Variants in RASL10A observed in about 807,000 individuals in gnomAD.
The protein encoded by RASL10A is RAS like family 10 member A.
In RASL10A, 13 loss-of-function variants were observed where a neutral mutation model predicts 17.3. The observed-to-expected ratio is 0.75, with a 90% CI of 0.49 to 1.20. RASL10A has a LOEUF of 1.20. Among genes scored for constraint, RASL10A ranks in the 50% most tolerant of loss-of-function variants. RASL10A has a pLI of 0.00. For missense variants in RASL10A, 307 were observed against 310.3 expected, an observed-to-expected ratio of 0.99 and a Z score of 0.08; for synonymous variants, 159 against 142.2, an observed-to-expected ratio of 1.12 and a Z score of -0.84.
intron 1 of RASL10A, chr22:29,314,314 A>C: frequency 1.1e-5 from 3 of 269,684 alleles, no homozygotes; most frequent in South Asian, 6.2e-5. Flanking sequence ...TCTAAGACTA[A>C]TTCCAAAGCC....
intron 1 of RASL10A, 50 bp from the exon 2 acceptor site, chr22:29,314,037 C>T: frequency 6.2e-7 from 1 of 1,602,380 alleles, no homozygotes; most frequent in Non-Finnish European, 8.5e-7. Context: ...CACTCTTCCG[C>T]TCTCGAACCC....
chr22:29,315,441 C>G lies in RASL10A; in HGVS notation c.-195G>C. ...AGCTGGCGGCGGGAGGGCAGACAGACAGCCGAGTGGGCAGACAGGTGGCGG... is the reference window on the plus strand; with the variant it reads ...AGCTGGCGGCGGGAGGGCAGACAGAGAGCCGAGTGGGCAGACAGGTGGCGG... On this transcript the variant is annotated 5_prime_UTR_variant, in exon 1 of 3. Transcript: ENST00000216101. This position sits in a 1 kb window ranked among gnomAD's most constrained non-coding sequence, Gnocchi z 5.5. 1 of 303,390 alleles carries G rather than the reference C, an allele frequency of 3.3e-6. No homozygotes were observed. The highest frequency in any genetic ancestry group is 5.9e-6 in the Non-Finnish European group (1 of 169,756). The allele number at this position is 303,390 out of a possible 1,614,324, so 18.8% of individuals were successfully genotyped here. A position where few individuals can be genotyped will look rare whatever the true frequency, so the allele number is the denominator to read the frequency against.
upstream of RASL10A, among the ~76,000 whole-genome samples, chr22:29,318,951 G>A (rs2061464963): frequency 6.6e-6 from 1 of 152,200 alleles, no homozygotes; most frequent in Admixed American, 6.5e-5. Context: ...CAGGCCTGGG[G>A]AGATGAGGAG....
In RASL10A at chr22:29,313,234, G is replaced by C. The variant is rs2061429365; in HGVS notation, c.*67C>G. ...AGTCCCAGTGAAGTTGGGCGATCCC[G>C]TCCAATCCAGGTCCCTGATTGTCCC... On this transcript the variant is annotated 3_prime_UTR_variant, in exon 3 of 3. Transcript: ENST00000216101. The C allele has an allele frequency of 7.0e-7, 1 of 1,433,308 alleles. No individual in the cohort carries two copies. Among genetic ancestry groups the C allele is most frequent in the Non-Finnish European group, 9.2e-7 (1 of 1,089,486 alleles). The allele number at this position is 1,433,308 out of a possible 1,614,324, so 88.8% of individuals were successfully genotyped here.
At chr22:29,313,626 G>C in intron 2 of RASL10A, 58 bp from the exon 3 acceptor site, 2 of 1,474,618 alleles carry the variant, frequency 1.4e-6, no homozygotes, top group Non-Finnish European at 1.8e-6. Flanking sequence ...AATTCCCCCA[G>C]TGGGTATACA....
At position 29,313,399 on chromosome 22, in the gene RASL10A, G is replaced by C. The variant is rs1176785255; in HGVS notation, c.514C>G (p.Arg172Gly). The C allele has an allele frequency of 6.5e-7, 1 of 1,542,540 alleles. No individual in the cohort carries two copies. Among genetic ancestry groups the C allele is most frequent in the Admixed American group, 2.0e-5 (1 of 50,970 alleles). The change falls in exon 3 of 3, where the codon CGC becomes GGC. Residue 172 changes from arginine (R) to glycine (G), a missense_variant. Arg to Gly is a moderately radical substitution (Grantham distance 125, BLOSUM62 -2). Coordinates refer to ENST00000216101, the MANE Select transcript of RASL10A (RefSeq NM_006477.5). ...KYNWHVLRLF[R>G]ELLRCALVRA... ...ACCAGAGCGCAGCGCAGCAGCTCGC[G>C]GAAGAGACGCAGCACGTGCCAGTTG...
Position 29,313,396 on chromosome 22 carries a change from C to A in RASL10A, c.517G>T (p.Glu173Ter), listed in dbSNP as rs1470644927. 3 of 1,542,802 alleles carry A rather than the reference C, an allele frequency of 1.9e-6. No individual in the cohort carries two copies. Among genetic ancestry groups the A allele is most frequent in the East Asian group, 2.4e-5 (1 of 40,866 alleles). ...YNWHVLRLFR[E>*]LLRCALVRAR... ...CGCACCAGAGCGCAGCGCAGCAGCT[C>A]GCGGAAGAGACGCAGCACGTGCCAG... Residue 173 changes from glutamate (E) to a stop codon, truncating the protein, a stop_gained, in exon 3 of 3, where the codon GAG (glutamate) becomes TAG (stop). Coordinates refer to ENST00000216101, the MANE Select transcript of RASL10A (RefSeq NM_006477.5). LOFTEE classifies it high-confidence loss of function.
chr22:29,315,204 CG>C lies in RASL10A; in HGVS notation c.42del (p.Val15TrpfsTer41), dbSNP rs1419893545. 1 of 1,528,612 alleles carries C rather than the reference CG, an allele frequency of 6.5e-7. No homozygotes were observed. The highest frequency in any genetic ancestry group is 8.7e-7 in the Non-Finnish European group (1 of 1,145,616). The allele number at this position is 1,528,612 out of a possible 1,614,324, so 94.7% of individuals were successfully genotyped here. ...TGGCGGATGATGGCCGTCTTGCCCACGCCCGGGGCGCCTAGAACGGCCACCC... is the reference window on the plus strand; with the variant it reads ...TGGCGGATGATGGCCGTCTTGCCCACCCCGGGGCGCCTAGAACGGCCACCC... ...SLRVAVLGAP[G>X]VGKTAIIRQF... On this transcript the variant is annotated frameshift_variant, in exon 1 of 3. Coordinates refer to ENST00000216101, the MANE Select transcript of RASL10A (RefSeq NM_006477.5). LOFTEE classifies it high-confidence loss of function. This position sits in a 1 kb window ranked among gnomAD's most constrained non-coding sequence, Gnocchi z 5.5.
chr22:29,316,528 A>C (rs1442856928), upstream of RASL10A, among the ~76,000 whole-genome samples: 1 of 147,348 alleles, frequency 6.8e-6, no homozygotes, highest in East Asian at 2.3e-4. Flanking sequence ...GCAACCTCCA[A>C]AACAGGCGCC....
At chr22:29,318,038 CT>C (rs1250161030), upstream of RASL10A, among the ~76,000 whole-genome samples, 1 of 152,206 alleles carries the variant, frequency 6.6e-6, no homozygotes, top group African/African-American at 2.4e-5. Context: ...CCGCCCACCC[CT>C]GGGTATTCTT....
chr22:29,314,239 T>C, intron 1 of RASL10A: 1 of 467,622 alleles, frequency 2.1e-6, no homozygotes, highest in East Asian at 3.8e-5. Flanking sequence ...CTTCCTCTTT[T>C]CAGCTTTCCC....
chr22:29,315,347 C>T lies in RASL10A; in HGVS notation c.-101G>A, dbSNP rs1349933059. 2.8e-5 allele frequency: 21 copies of T among 752,808 alleles called. No individual in the cohort carries two copies. Among genetic ancestry groups the T allele is most frequent in the Non-Finnish European group, 3.7e-5 (21 of 565,028 alleles). The allele number at this position is 752,808 out of a possible 1,614,324, so 46.6% of individuals were successfully genotyped here. ...CGCCCCGCGCGCCCTGCCCGGTGCG[C>T]CACGGCCCCGTCGCGCTTCTCGTCG... On this transcript the variant is annotated 5_prime_UTR_variant, in exon 1 of 3. Coordinates refer to ENST00000216101, the MANE Select transcript of RASL10A (RefSeq NM_006477.5). This position sits in a 1 kb window ranked among gnomAD's most constrained non-coding sequence, Gnocchi z 5.5.
chr22:29,319,801 A>G (rs2061467583), upstream of RASL10A: 1 of 152,172 alleles, frequency 6.6e-6, no homozygotes, highest in South Asian at 2.1e-4. Context: ...CCTGGCCAAC[A>G]TGGTGAAACC....
Position 29,315,129 on chromosome 22 carries a change from G to A in RASL10A, c.118C>T (p.Arg40Cys). ...AGCAGCACCGCGGGTCGGTAGAGGC[G>A]CGGCCCGTCCGTGGGCCGGTGGCGC... is the stretch of plus-strand genomic sequence containing the variant. ...PERHRPTDGPRLYRPAVLLDG... is the reference protein window; with the variant it reads ...PERHRPTDGPCLYRPAVLLDG... The change falls in exon 1 of 3, where the codon CGC (arginine) becomes TGC (cysteine). Residue 40 changes from arginine to cysteine, a missense_variant. Physicochemically the swap from Arg to Cys is radical, Grantham distance 180. Coordinates refer to ENST00000216101, the MANE Select transcript of RASL10A (RefSeq NM_006477.5). The surrounding 1 kb of genome is among the most constrained non-coding windows in gnomAD (Gnocchi z 5.5). The A allele has an allele frequency of 1.3e-6, 2 of 1,531,704 alleles. No individual in the cohort carries two copies. The highest frequency in any genetic ancestry group is 2.0e-5 in the Admixed American group (1 of 50,670). 94.9% of individuals were successfully genotyped at this position (1,531,704 alleles called of 1,614,324 possible). A position where few individuals can be genotyped will look rare whatever the true frequency, so the allele number is the denominator to read the frequency against.
chr22:29,316,337 G>A (rs2061454200), upstream of RASL10A, among the ~76,000 whole-genome samples: 1 of 152,122 alleles, frequency 6.6e-6, no homozygotes, highest in Non-Finnish European at 1.5e-5. Context: ...TCAAACAGCC[G>A]TCCTCGAGGG....
chr22:29,318,922 C>T (rs2061464877), upstream of RASL10A, among the ~76,000 whole-genome samples: 1 of 152,198 alleles, frequency 6.6e-6, no homozygotes, highest in Non-Finnish European at 1.5e-5. Flanking sequence ...CGGGTGAAGA[C>T]AGGAGCTCTG....
At chr22:29,314,026 C>A in intron 1 of RASL10A, 39 bp from the exon 2 acceptor site, 1 of 1,607,390 alleles carries the variant, frequency 6.2e-7, no homozygotes, top group Non-Finnish European at 8.5e-7. Flanking sequence ...AGCCTCCTTT[C>A]CACTCTTCCG....
At position 29,315,084 on chromosome 22, in the gene RASL10A, AGTC is replaced by A. The variant is rs774516800; in HGVS notation, c.160_162del (p.Asp54del). 2 of 1,524,668 alleles carry A rather than the reference AGTC, an allele frequency of 1.3e-6. No individual in the cohort carries two copies. Among genetic ancestry groups the A allele is most frequent in the South Asian group, 2.4e-5 (2 of 82,652 alleles). The allele number at this position is 1,524,668 out of a possible 1,614,324, so 94.4% of individuals were successfully genotyped here. On this transcript the variant is annotated inframe_deletion, in exon 1 of 3. Transcript: ENST00000216101. The surrounding 1 kb of genome is among the most constrained non-coding windows in gnomAD (Gnocchi z 5.5). ...GCGACGTCGCCGTCGCGGATGCTCA[AGTC>A]GTAGACGGCGCCGTCGAGCAGCACC...
At chr22:29,314,486 C>T (rs539124286) in intron 1 of RASL10A, among the ~76,000 whole-genome samples, 9 of 152,320 alleles carry the variant, frequency 5.9e-5, no homozygotes, top group African/African-American at 1.9e-4. Context: ...AATGCCACTC[C>T]CTCCAGGAAG....
Sources: gnomAD v4.1 joint callset for allele counts (sites outside exome capture counted in the v4.1 genomes callset) on GRCh38, gnomAD v4.1.1 for gene constraint, Gnocchi (gnomAD v3.1) non-coding constraint, MANE v1.5 for transcripts, NCBI Gene and HGNC (gene_info 2026-07-23, HGNC 2026-07-21) for gene names.